The following FASTKD2 variants were observed in gnomAD, a reference collection of about 807,000 sequenced individuals.
FASTKD2 encodes FAST kinase domains 2, also known as FAST kinase domain-containing protein 2, mitochondrial.
In FASTKD2, 51 loss-of-function variants were observed where a neutral mutation model predicts 63.6. That is an observed-to-expected ratio of 0.80 (90% CI 0.64 to 1.01). FASTKD2 has a LOEUF of 1.01. FASTKD2 is among the 50% of genes least tolerant of loss of function. The pLI is 0.00. For synonymous variants in FASTKD2, 284 were observed against 293.4 expected (o/e 0.97, Z 0.33); for missense variants, 786 against 831.1 (o/e 0.95, Z 0.67).
chr2:206,766,831 G>A lies in FASTKD2; in HGVS notation c.138G>A (p.Leu46=). The change falls in exon 2 of 12, where the codon TTG becomes TTA. Residue 46 remains leucine (L), a synonymous_variant. Coordinates refer to ENST00000402774, the MANE Select transcript of FASTKD2 (RefSeq NM_001136193.2). Reference sequence around the variant, plus strand: ...GCAGAACTATGAGGCTATGTTGTTTGGGACTTTGCAAACCAAAAATAGTTC... The same window carrying A: ...GCAGAACTATGAGGCTATGTTGTTTAGGACTTTGCAAACCAAAAATAGTTC... ...STSRTMRLCC[L]GLCKPKIVHS... 5.0e-6 allele frequency: 8 copies of A among 1,610,592 alleles called. No homozygotes were observed. The highest frequency in any genetic ancestry group is 6.8e-6 in the Non-Finnish European group (8 of 1,177,982).
At position 206,793,248 on chromosome 2, in the gene FASTKD2, A is replaced by AAAAAAAC. The variant is rs1259024642; in HGVS notation, c.*1449_*1450insAAACAAA. 0.011 allele frequency among the ~76,000 whole-genome samples: 1,399 copies of AAAAAAAC among 126,482 alleles called. 61 individuals are homozygous for AAAAAAAC. Among genetic ancestry groups the AAAAAAAC allele is most frequent in the Non-Finnish European group, 0.018 (1,019 of 56,360 alleles). 83.0% of individuals were successfully genotyped at this position (126,482 alleles called of 152,430 possible). On this transcript the variant is annotated 3_prime_UTR_variant, in exon 12 of 12. Coordinates refer to ENST00000402774, the MANE Select transcript of FASTKD2 (RefSeq NM_001136193.2). ...AAAAAAAAAAAAAAAAAAAAAAAAA[A>AAAAAAAC]AAATACAAAAACTATAGCAATATGA...
intron 7 of FASTKD2, among the ~76,000 whole-genome samples, chr2:206,784,597 G>A (rs1251903370): frequency 6.6e-6 from 1 of 152,060 alleles, no homozygotes; most frequent in Non-Finnish European, 1.5e-5. Flanking sequence ...CCACCTTATG[G>A]ATAATCCCAC....
At chr2:206,776,426 T>TA (rs1220503740) in intron 7 of FASTKD2, among the ~76,000 whole-genome samples, 5 of 151,968 alleles carry the variant, frequency 3.3e-5, no homozygotes, top group East Asian at 1.9e-4. Flanking sequence ...TGGTATCATA[T>TA]AAAAAAAATC....
At position 206,779,608 on chromosome 2, in the gene FASTKD2, G is replaced by T. The variant is rs946488738; in HGVS notation, c.1427+5211G>T. ...GAACTCCGTCACTATTACGAGAACA[G>T]CATGGGGGAAACTGCCCCCATGATC... is the stretch of plus-strand genomic sequence containing the variant. On this transcript the variant is annotated intron_variant, in intron 7 of 11. Coordinates refer to ENST00000402774, the MANE Select transcript of FASTKD2 (RefSeq NM_001136193.2). Among the ~76,000 whole-genome samples, 9 of 152,268 alleles carry T rather than the reference G, an allele frequency of 5.9e-5. No homozygotes were observed. In the East Asian group the frequency reaches 1.7e-3, roughly 29 times the overall value.
intron 7 of FASTKD2, among the ~76,000 whole-genome samples, chr2:206,784,421 A>G (rs957279866): frequency 9.2e-5 from 14 of 152,240 alleles, no homozygotes; most frequent in Non-Finnish European, 1.6e-4. Flanking sequence ...CTTATTGTAT[A>G]CCCACATGCT....
intron 10 of FASTKD2, chr2:206,789,837 G>A (rs1045761068): frequency 6.6e-6 from 1 of 152,188 alleles, no homozygotes; most frequent in Admixed American, 6.5e-5. Context: ...CGGGTACTCC[G>A]CTATTCTGGC....
At chr2:206,780,806 G>T (rs1289750229) in intron 7 of FASTKD2, among the ~76,000 whole-genome samples, 1 of 151,706 alleles carries the variant, frequency 6.6e-6, no homozygotes, top group Non-Finnish European at 1.5e-5. Context: ...TTCTTTCTTT[G>T]TTCTTTTTTC....
Position 206,767,081 on chromosome 2 carries a change from T to C in FASTKD2, c.388T>C (p.Leu130=). The C allele has an allele frequency of 6.2e-7, 1 of 1,614,136 alleles. No homozygotes were observed. The highest frequency in any genetic ancestry group is 8.5e-7 in the Non-Finnish European group (1 of 1,179,996). Residue 130 remains leucine (L), a synonymous_variant, in exon 2 of 12, where the codon TTG becomes CTG. Transcript: ENST00000402774. ...CCCTGTTGATAAATCTGATGATGAATTGAAGAAAGTAAACCTTAATCATGA... is the reference window on the plus strand; with the variant it reads ...CCCTGTTGATAAATCTGATGATGAACTGAAGAAAGTAAACCTTAATCATGA... ...LVPVDKSDDE[L]KKVNLNHEVS...
rs1176177283 is a variant in FASTKD2 at position 206,786,769 on chromosome 2, T to G, written c.1464T>G (p.Gly488=). The G allele has an allele frequency of 6.2e-7, 1 of 1,613,904 alleles. No individual in the cohort carries two copies. Residue 488 remains glycine, a synonymous_variant, in exon 8 of 12, where the codon GGT becomes GGG. Transcript: ENST00000402774. ...FVEVMASALT[G]YLHTISSENL... ...AAGTTATGGCTAGTGCTCTGACTGG[T>G]TATCTTCACACTATTTCTTCTGAAA...
Position 206,767,193 on chromosome 2 carries a change from G to A in FASTKD2, c.500G>A (p.Ser167Asn), listed in dbSNP as rs1446422005. 2 of 1,614,132 alleles carry A rather than the reference G, an allele frequency of 1.2e-6. No individual in the cohort carries two copies. The highest frequency in any genetic ancestry group is 1.7e-6 in the Non-Finnish European group (2 of 1,180,050). ...RKLSEECNSLSDVLDAFSKAP... is the reference protein window; with the variant it reads ...RKLSEECNSLNDVLDAFSKAP... ...CTGTCTGAGGAATGTAATTCCCTGA[G>A]TGATGTGTTAGATGCATTTTCAAAA... is the stretch of plus-strand genomic sequence containing the variant. The change falls in exon 2 of 12, where the codon AGT becomes AAT. Residue 167 changes from serine to asparagine, a missense_variant. By Grantham distance (46) the Ser-to-Asn change is conservative. Coordinates refer to ENST00000402774, the MANE Select transcript of FASTKD2 (RefSeq NM_001136193.2).
intron 7 of FASTKD2, among the ~76,000 whole-genome samples, chr2:206,780,042 T>C (rs1388743627): frequency 2.6e-5 from 4 of 152,260 alleles, no homozygotes; most frequent in East Asian, 3.8e-4. Context: ...TACTTTGTTA[T>C]TGATGTGACA....
intron 6 of FASTKD2, 54 bp from the exon 7 acceptor site, chr2:206,774,171 C>A: frequency 7.9e-7 from 1 of 1,266,150 alleles, no homozygotes; most frequent in Middle Eastern, 2.6e-4. Flanking sequence ...TAAAAAATTA[C>A]TATTAGCATA....
chr2:206,766,568 T>C, intron 1 of FASTKD2, 76 bp from the exon 2 acceptor site: 10 of 859,492 alleles, frequency 1.2e-5, no homozygotes, highest in Non-Finnish European at 1.7e-5. Flanking sequence ...TTTTCTCTTC[T>C]GTTAAATGCA....
intron 8 of FASTKD2, among the ~76,000 whole-genome samples, chr2:206,787,568 A>G (rs980589725): frequency 6.6e-6 from 1 of 152,210 alleles, no homozygotes. Flanking sequence ...TTTTTCAGGC[A>G]GTGTAATAAT....
intron 2 of FASTKD2, among the ~76,000 whole-genome samples, chr2:206,768,655 G>A (rs1280967509): frequency 1.3e-5 from 2 of 152,152 alleles, no homozygotes; most frequent in Non-Finnish European, 2.9e-5. Context: ...AGCCATGATC[G>A]TGCCACTGCA....
chr2:206,791,052 C>A, intron 11 of FASTKD2: 1 of 273,774 alleles, frequency 3.7e-6, no homozygotes. Context: ...TTTTCATGGC[C>A]TGTGTGAAGC....
At chr2:206,773,046 G>A (rs757900287) in intron 6 of FASTKD2, among the ~76,000 whole-genome samples, 38 of 152,094 alleles carry the variant, frequency 2.5e-4, no homozygotes, top group Non-Finnish European at 4.4e-4. Context: ...TGGGCGCGGT[G>A]GCTCACGCCT....
chr2:206,791,222 A>G (rs574777631), intron 11 of FASTKD2: 2 of 197,224 alleles, frequency 1.0e-5, no homozygotes, highest in African/African-American at 2.4e-5. Flanking sequence ...ATACATTTAT[A>G]TATATGTTGC....
At chr2:206,775,552 T>C (rs1689802669) in intron 7 of FASTKD2, among the ~76,000 whole-genome samples, 1 of 151,034 alleles carries the variant, frequency 6.6e-6, no homozygotes, top group African/African-American at 2.5e-5. Context: ...TCAGAGATAC[T>C]GTGCTGTAGT....
Sources: gnomAD v4.1 joint callset for allele counts (sites outside exome capture counted in the v4.1 genomes callset) on GRCh38, gnomAD v4.1.1 for gene constraint, MANE v1.5 for transcripts, NCBI Gene and HGNC (gene_info 2026-07-23, HGNC 2026-07-21) for gene names.